The following EYA2 variants were observed in gnomAD, a reference collection of about 807,000 sequenced individuals.
EYA2 encodes EYA transcriptional coactivator and phosphatase 2.
Under a neutral mutation model 69.2 loss-of-function variants are expected in EYA2, and 31 were observed. That is an observed-to-expected ratio of 0.45 (90% CI 0.34 to 0.60). EYA2 has a LOEUF of 0.60. Ranked by LOEUF, EYA2 falls within the 20% of genes least tolerant of loss-of-function variation. EYA2 has a pLI of 0.02. For missense variants in EYA2, 622 were observed against 701.2 expected (o/e 0.89, Z 1.28); for synonymous variants, 257 against 279.4 (o/e 0.92, Z 0.80).
intron 4 of EYA2, among the ~76,000 whole-genome samples, chr20:47,013,377 T>C (rs1983199101): frequency 1.3e-5 from 2 of 152,220 alleles, no homozygotes; most frequent in Non-Finnish European, 2.9e-5. Flanking sequence ...AAGCAACATA[T>C]GCAAAGGCTT....
chr20:46,925,336 C>T (rs184496826), intron 1 of EYA2, among the ~76,000 whole-genome samples: 5 of 152,108 alleles, frequency 3.3e-5, no homozygotes, highest in African/African-American at 1.2e-4. Flanking sequence ...ATGACTGGCC[C>T]TATGTAAAAA....
At chr20:47,146,763 C>A (rs1206574951) in intron 10 of EYA2, among the ~76,000 whole-genome samples, 1 of 152,180 alleles carries the variant, frequency 6.6e-6, no homozygotes, top group African/African-American at 2.4e-5. Context: ...TGTAGTAGTA[C>A]CACCTGTAAG....
intron 5 of EYA2, among the ~76,000 whole-genome samples, chr20:47,049,365 C>T (rs1472579381): frequency 2.0e-5 from 3 of 152,156 alleles, no homozygotes; most frequent in Non-Finnish European, 4.4e-5. Flanking sequence ...TTGCAGGATC[C>T]AGTCAAGGGT....
At chr20:47,025,509 C>G (rs1021551730) in intron 5 of EYA2, among the ~76,000 whole-genome samples, 1 of 152,174 alleles carries the variant, frequency 6.6e-6, no homozygotes, top group African/African-American at 2.4e-5. Flanking sequence ...CTTCTTCATT[C>G]TTTTTCATAG....
intron 7 of EYA2, among the ~76,000 whole-genome samples, chr20:47,083,015 A>G (rs1013207338): frequency 1.3e-5 from 2 of 152,068 alleles, no homozygotes; most frequent in Non-Finnish European, 2.9e-5. Flanking sequence ...GCAACATAGC[A>G]AGACCCTGTC....
chr20:47,143,321 G>A (rs1332879827), intron 10 of EYA2, among the ~76,000 whole-genome samples, 173 bp downstream of exon 10: 2 of 152,044 alleles, frequency 1.3e-5, no homozygotes, highest in African/African-American at 4.8e-5. Flanking sequence ...AACTGTGGCC[G>A]GTGATGGTTT....
intron 1 of EYA2, among the ~76,000 whole-genome samples, chr20:46,924,029 A>G (rs1258966202): frequency 6.6e-6 from 1 of 152,194 alleles, no homozygotes; most frequent in Non-Finnish European, 1.5e-5. Flanking sequence ...TCAGGCAAGC[A>G]GTGGCCTCTA....
chr20:47,133,066 C>T (rs905637534), intron 9 of EYA2, among the ~76,000 whole-genome samples: 2 of 152,154 alleles, frequency 1.3e-5, no homozygotes, highest in Non-Finnish European at 2.9e-5. Context: ...TGCACATCAG[C>T]TTAGGCCAAA....
At chr20:46,942,207 A>T (rs1460825012) in intron 1 of EYA2, among the ~76,000 whole-genome samples, 1 of 148,756 alleles carries the variant, frequency 6.7e-6, no homozygotes, top group Admixed American at 6.7e-5. Flanking sequence ...ATTTTATTTT[A>T]TTTTTTACTT....
At chr20:47,127,117 AAAGTT>A (rs2033211918) in intron 9 of EYA2, among the ~76,000 whole-genome samples, 1 of 152,156 alleles carries the variant, frequency 6.6e-6, no homozygotes, top group Non-Finnish European at 1.5e-5. Flanking sequence ...ATAAAAAAAA[AAAGTT>A]AATTAATTAA....
At chr20:46,945,755 C>A (rs1272351297) in intron 1 of EYA2, among the ~76,000 whole-genome samples, 1 of 152,222 alleles carries the variant, frequency 6.6e-6, no homozygotes, top group African/African-American at 2.4e-5. Flanking sequence ...CTCCTATCTG[C>A]CTAGTCAGCT....
Position 46,994,664 on chromosome 20 carries a change from C to T in EYA2, c.109+4545C>T, listed in dbSNP as rs533229250. Among the ~76,000 whole-genome samples, 31 of 152,282 alleles carry T rather than the reference C, an allele frequency of 2.0e-4. 1 individual carries two copies. Among genetic ancestry groups the T allele is most frequent in the African/African-American group, 7.2e-4 (30 of 41,540 alleles). On this transcript the variant is annotated intron_variant, in intron 2 of 15. Transcript: ENST00000327619. ...TTGCCCAGGTGCTGGCCTGGGGAAC[C>T]ACATGTCAGCTTCATCCTTCTCACC...
intron 5 of EYA2, among the ~76,000 whole-genome samples, chr20:47,060,578 G>A (rs1044072860): frequency 2.6e-5 from 4 of 152,238 alleles, no homozygotes; most frequent in African/African-American, 7.2e-5. Flanking sequence ...TCAGGGGAGC[G>A]AGGAATCAGG....
intron 1 of EYA2, among the ~76,000 whole-genome samples, chr20:46,932,189 T>C (rs6090584): frequency 0.35 from 53,639 of 151,702 alleles, 10,200 homozygotes; most frequent in Non-Finnish European, 0.43. Context: ...ATGGAATGAT[T>C]GTGCACCCCC....
intron 1 of EYA2, among the ~76,000 whole-genome samples, chr20:46,924,962 G>A (rs947326032): frequency 5.3e-5 from 8 of 152,182 alleles, no homozygotes; most frequent in African/African-American, 1.9e-4. Flanking sequence ...CCTGCAAGGT[G>A]TTAGCAGAGC....
chr20:46,912,878 T>C (rs1984722946), intron 1 of EYA2, among the ~76,000 whole-genome samples: 1 of 151,282 alleles, frequency 6.6e-6, no homozygotes, highest in Admixed American at 6.6e-5. Flanking sequence ...TTTTTTGTAT[T>C]TTTAGTAGAG....
intron 1 of EYA2, among the ~76,000 whole-genome samples, chr20:46,910,131 GA>G (rs1307897282): frequency 6.6e-6 from 1 of 152,176 alleles, no homozygotes; most frequent in Non-Finnish European, 1.5e-5. Context: ...AATTTGCAAA[GA>G]AAAGAGTTTT....
chr20:46,987,981 TATATATATATATATATGG>T (rs1384625885), intron 1 of EYA2, among the ~76,000 whole-genome samples: 14 of 74,818 alleles, frequency 1.9e-4, no homozygotes, highest in African/African-American at 8.0e-4. Context: ...TATATATATA[TATATATATATATATATGG>T]GGCAAAAAAA....
At position 47,089,360 on chromosome 20, in the gene EYA2, G is replaced by A. The variant is rs148008202; in HGVS notation, c.783G>A (p.Pro261=). The A allele has an allele frequency of 2.4e-5, 38 of 1,613,970 alleles. No individual in the cohort carries two copies. Among genetic ancestry groups the A allele is most frequent in the Middle Eastern group, 1.7e-4 (1 of 6,060 alleles). Residue 261 remains proline (P), a synonymous_variant, in exon 8 of 16, where the codon CCG becomes CCA. Transcript: ENST00000327619. ...CTAAGAGGAGCAGTGACCCGTCCCC[G>A]GCAGGGGACAATGAGATTGAGGTAA... ...GRSKRSSDPS[P]AGDNEIERVF... is the part of the protein sequence containing the mutation.
Sources: gnomAD v4.1 joint callset for allele counts (sites outside exome capture counted in the v4.1 genomes callset) on GRCh38, gnomAD v4.1.1 for gene constraint, MANE v1.5 for transcripts, NCBI Gene and HGNC (gene_info 2026-07-23, HGNC 2026-07-21) for gene names.